Variants in PIK3R3 observed in about 807,000 individuals in gnomAD.
PIK3R3 encodes the protein phosphoinositide-3-kinase regulatory subunit 3.
A neutral mutation model predicts 62.9 loss-of-function variants in PIK3R3; 64 were observed. The observed-to-expected ratio is 1.02, with a 90% CI of 0.83 to 1.25. PIK3R3 has a LOEUF of 1.25. PIK3R3 is among the 50% of genes most tolerant of loss of function. The pLI is 0.00. For missense variants in PIK3R3, 614 were observed against 561.6 expected (o/e 1.09, Z -0.94); for synonymous variants, 165 against 189.0 (o/e 0.87, Z 1.04).
At chr1:46,109,162 CAA>C (rs758453256) in intron 1 of PIK3R3, among the ~76,000 whole-genome samples, 110 of 70,132 alleles carry the variant, frequency 1.6e-3, no homozygotes, top group African/African-American at 4.5e-3. Flanking sequence ...GACTCTGTCT[CAA>C]AAAAAAAAAA....
chr1:46,070,102 A>T (rs1649351634), intron 3 of PIK3R3, among the ~76,000 whole-genome samples: 1 of 152,250 alleles, frequency 6.6e-6, no homozygotes, highest in Non-Finnish European at 1.5e-5. Flanking sequence ...AAGTATCTAG[A>T]AAGAGATATA....
chr1:46,116,474 G>C (rs577748205), intron 1 of PIK3R3, among the ~76,000 whole-genome samples: 2 of 151,986 alleles, frequency 1.3e-5, no homozygotes, highest in Non-Finnish European at 2.9e-5. Context: ...GCTATGATCA[G>C]GGCACCGCAT....
upstream of PIK3R3, among the ~76,000 whole-genome samples, chr1:46,135,247 C>T (rs149621007): frequency 3.9e-5 from 6 of 152,268 alleles, no homozygotes; most frequent in East Asian, 9.7e-4. Context: ...TATATTTGAC[C>T]TGGGTGTGGA....
At chr1:46,102,105 C>T (rs1308135652) in intron 1 of PIK3R3, among the ~76,000 whole-genome samples, 1 of 150,570 alleles carries the variant, frequency 6.6e-6, no homozygotes, top group African/African-American at 2.4e-5. Flanking sequence ...TCTGCCTCAG[C>T]CTCCCGAGTA....
chr1:46,129,770 T>TTTCA (rs1655418324), intron 1 of PIK3R3, among the ~76,000 whole-genome samples: 3 of 152,194 alleles, frequency 2.0e-5, no homozygotes, highest in Non-Finnish European at 4.4e-5. Context: ...ATAGGCAATG[T>TTTCA]TTCAGCATAC....
chr1:46,106,964 G>A (rs952694049), intron 1 of PIK3R3, among the ~76,000 whole-genome samples: 1 of 151,852 alleles, frequency 6.6e-6, no homozygotes, highest in African/African-American at 2.4e-5. Context: ...CAGTACAAAC[G>A]GGGTCAGGCT....
At chr1:46,055,743 G>T in intron 7 of PIK3R3, 52 bp downstream of exon 7, 1 of 1,171,666 alleles carries the variant, frequency 8.5e-7, no homozygotes, top group Non-Finnish European at 1.2e-6. Context: ...TCTAGTGCTG[G>T]TAGTAACCTG....
chr1:46,083,710 C>T (rs1441108128), intron 1 of PIK3R3, among the ~76,000 whole-genome samples: 4 of 152,172 alleles, frequency 2.6e-5, no homozygotes, highest in African/African-American at 9.6e-5. Flanking sequence ...CAGAGAAATG[C>T]ACATCAAAAC....
chr1:46,120,433 C>T (rs1388747574), intron 1 of PIK3R3, among the ~76,000 whole-genome samples: 7 of 152,040 alleles, frequency 4.6e-5, no homozygotes, highest in African/African-American at 1.4e-4. Flanking sequence ...ATTAGCCAGG[C>T]GTGGTGGTGG....
chr1:46,055,446 C>A (rs112945538), intron 7 of PIK3R3, among the ~76,000 whole-genome samples: 82 of 152,276 alleles, frequency 5.4e-4, no homozygotes, highest in African/African-American at 1.9e-3. Flanking sequence ...TAGAAATTCC[C>A]CACTCAGTTC....
At chr1:46,100,006 T>C (rs1221309885) in intron 1 of PIK3R3, among the ~76,000 whole-genome samples, 1 of 152,200 alleles carries the variant, frequency 6.6e-6, no homozygotes, top group Non-Finnish European at 1.5e-5. Flanking sequence ...TCTACTGTCT[T>C]ATTATTATTA....
chr1:46,052,117 G>A (rs1647412420), intron 7 of PIK3R3, among the ~76,000 whole-genome samples: 1 of 151,832 alleles, frequency 6.6e-6, no homozygotes, highest in Admixed American at 6.6e-5. Flanking sequence ...CAGCCTGAGT[G>A]ACAGAGTGAG....
intron 1 of PIK3R3, chr1:46,104,944 A>AC: frequency 1.8e-6 from 1 of 543,714 alleles, no homozygotes. Flanking sequence ...AAAAAAAAAA[A>AC]AAAAAACACA....
the PIK3R3 span, among the ~76,000 whole-genome samples, chr1:46,167,844 T>A: frequency 1.3e-5 from 2 of 152,206 alleles, no homozygotes; most frequent in South Asian, 4.1e-4. Context: ...ATTTTGCCCA[T>A]TCTTTAAGCC....
At chr1:46,098,631 A>G (rs896776805) in intron 1 of PIK3R3, among the ~76,000 whole-genome samples, 2 of 152,260 alleles carry the variant, frequency 1.3e-5, no homozygotes, top group African/African-American at 4.8e-5. Flanking sequence ...TGAAATGTCC[A>G]TAATAGGCAA....
the PIK3R3 span, among the ~76,000 whole-genome samples, chr1:46,139,796 ACT>A: frequency 6.6e-6 from 1 of 151,882 alleles, no homozygotes; most frequent in South Asian, 2.1e-4. Context: ...TTGACTTCTG[ACT>A]CTGTTCCCTA....
upstream of PIK3R3, among the ~76,000 whole-genome samples, chr1:46,133,501 C>G (rs1210089977): frequency 2.0e-5 from 3 of 152,340 alleles, no homozygotes; most frequent in East Asian, 5.8e-4. Context: ...TCCTTTCCTA[C>G]AGACCTCTTC....
At chr1:46,110,274 G>GC (rs1653618455) in intron 1 of PIK3R3, among the ~76,000 whole-genome samples, 5 of 127,072 alleles carry the variant, frequency 3.9e-5, no homozygotes, top group African/African-American at 1.5e-4. Flanking sequence ...ACCAGGCTTG[G>GC]CTTTTTTTTT....
At chr1:46,054,397 CAAAAAA>C (rs10649671) in intron 7 of PIK3R3, among the ~76,000 whole-genome samples, 2 of 80,038 alleles carry the variant, frequency 2.5e-5, no homozygotes, top group Non-Finnish European at 4.6e-5. Flanking sequence ...CTCCGCCTCA[CAAAAAA>C]AAAAAAAAAA....
Sources: gnomAD v4.1 joint callset for allele counts (sites outside exome capture counted in the v4.1 genomes callset) on GRCh38, gnomAD v4.1.1 for gene constraint, MANE v1.5 for transcripts, NCBI Gene and HGNC (gene_info 2026-07-23, HGNC 2026-07-21) for gene names.